The following PPP2R2C variants were observed in gnomAD, a reference collection of about 807,000 sequenced individuals.
The protein encoded by PPP2R2C is protein phosphatase 2 regulatory subunit Bgamma.
Under a neutral mutation model 45.3 loss-of-function variants are expected in PPP2R2C, and 10 were observed. The ratio of observed to expected loss-of-function variants is 0.22; its 90% CI spans 0.14 to 0.37. The LOEUF (loss-of-function observed/expected upper bound fraction) is 0.37. PPP2R2C is among the 10% of genes least tolerant of loss of function. The pLI is 1.00. For missense variants in PPP2R2C, 308 were observed against 619.7 expected (o/e 0.50, Z 5.34); for synonymous variants, 257 against 245.4 (o/e 1.05, Z -0.44).
At chr4:6,423,977 C>T (rs34213120) in intron 1 of PPP2R2C, among the ~76,000 whole-genome samples, 2,347 of 152,334 alleles carry the variant, frequency 0.015, 32 homozygotes, top group Middle Eastern at 0.037. Flanking sequence ...ATTCACTGCC[C>T]ACCTGGCTGT....
At chr4:6,351,018 T>C (rs1234153862) in intron 5 of PPP2R2C, 3 of 985,202 alleles carry the variant, frequency 3.0e-6, no homozygotes, top group East Asian at 2.3e-4. Flanking sequence ...TCAAAGTATG[T>C]AGGAGGCCAG....
chr4:6,405,646 G>A (rs1011283713), intron 1 of PPP2R2C, among the ~76,000 whole-genome samples: 1 of 152,182 alleles, frequency 6.6e-6, no homozygotes, highest in Non-Finnish European at 1.5e-5. Flanking sequence ...GGGAGGGGCT[G>A]GGCCTGCTCC....
intron 1 of PPP2R2C, among the ~76,000 whole-genome samples, chr4:6,408,934 T>C (rs368101346): frequency 6.6e-6 from 1 of 151,842 alleles, no homozygotes; most frequent in African/African-American, 2.4e-5. Flanking sequence ...AAAATACTTG[T>C]TGATTTTTTT....
intron 2 of PPP2R2C, among the ~76,000 whole-genome samples, chr4:6,517,152 T>G (rs2108810547): frequency 6.6e-6 from 1 of 152,224 alleles, no homozygotes. Flanking sequence ...GCCCACCAGA[T>G]TGCTCGCCTG....
At chr4:6,377,460 A>C (rs6823629) in intron 3 of PPP2R2C, among the ~76,000 whole-genome samples, 142,383 of 152,140 alleles carry the variant, frequency 0.94, 66,752 homozygotes, top group East Asian at 1. Context: ...GTTCGAGATC[A>C]ACCTGGCCAA....
Position 6,345,219 on chromosome 4 carries a change from A to G in PPP2R2C, c.790+2627T>C, listed in dbSNP as rs1387481074. Among the ~76,000 whole-genome samples the G allele has an allele frequency of 6.6e-6, 1 of 152,166 alleles. No homozygotes were observed. Among genetic ancestry groups the G allele is most frequent in the East Asian group, 1.9e-4 (1 of 5,192 alleles). On this transcript the variant is annotated intron_variant, in intron 6 of 8. Transcript: ENST00000382599. This position sits in a 1 kb window ranked among gnomAD's most constrained non-coding sequence, Gnocchi z 5.3. The stretch of plus-strand genomic sequence containing the variant: ...GCAGGAAGAACCCCCTCTCTTCCCC[A>G]ATATTCTCCCATTCCATTCGGACCC...
chr4:6,546,760 G>T (rs749005646), intron 1 of PPP2R2C, among the ~76,000 whole-genome samples: 6 of 152,248 alleles, frequency 3.9e-5, no homozygotes, highest in Admixed American at 2.0e-4. Context: ...TCCACCCGCT[G>T]TCAGAATTTC....
At chr4:6,477,990 A>C (rs1306438704) in intron 2 of PPP2R2C, among the ~76,000 whole-genome samples, 1 of 151,992 alleles carries the variant, frequency 6.6e-6, no homozygotes, top group Non-Finnish European at 1.5e-5. Flanking sequence ...CCAGGCTCCC[A>C]GCTCCATATG....
intron 1 of PPP2R2C, chr4:6,384,359 A>G: frequency 1.0e-6 from 1 of 985,494 alleles, no homozygotes; most frequent in Non-Finnish European, 1.2e-6. Context: ...GCAGTGGGGA[A>G]AAAAGCTGGA....
At chr4:6,522,346 G>A (rs1421534595) in intron 2 of PPP2R2C, among the ~76,000 whole-genome samples, 2 of 152,244 alleles carry the variant, frequency 1.3e-5, no homozygotes, top group Non-Finnish European at 2.9e-5. Flanking sequence ...GCACTCCCGG[G>A]CATTACCAAT....
intron 1 of PPP2R2C, among the ~76,000 whole-genome samples, chr4:6,422,717 G>A (rs1719058460): frequency 6.6e-6 from 1 of 151,996 alleles, no homozygotes; most frequent in Non-Finnish European, 1.5e-5. Flanking sequence ...ATTGGATCAG[G>A]GCCCACCTTA....
At chr4:6,414,119 TGTG>T (rs1718399694) in intron 1 of PPP2R2C, 1 of 1,106,034 alleles carries the variant, frequency 9.0e-7, no homozygotes, top group Admixed American at 3.2e-5. Flanking sequence ...TGTGTGTGTG[TGTG>T]TACAGGTAAA....
intron 1 of PPP2R2C, among the ~76,000 whole-genome samples, chr4:6,402,683 T>G (rs761571732): frequency 4.7e-4 from 72 of 152,152 alleles, no homozygotes; most frequent in Non-Finnish European, 9.3e-4. Context: ...TGGCCAGGGC[T>G]GCGATGGAGG....
At chr4:6,373,738 G>A (rs1250487645) in intron 4 of PPP2R2C, among the ~76,000 whole-genome samples, 1 of 152,216 alleles carries the variant, frequency 6.6e-6, no homozygotes, top group Non-Finnish European at 1.5e-5. Context: ...AGCTCCTTTG[G>A]AGCAGAGGCA....
intron 1 of PPP2R2C, among the ~76,000 whole-genome samples, chr4:6,408,720 G>A (rs996323263): frequency 6.6e-6 from 1 of 152,070 alleles, no homozygotes; most frequent in Non-Finnish European, 1.5e-5. Context: ...CTGAGCACTT[G>A]GGCCACAGGT....
intron 2 of PPP2R2C, among the ~76,000 whole-genome samples, chr4:6,510,704 ACGGTGTC>A (rs1723399612): frequency 6.6e-6 from 1 of 152,136 alleles, no homozygotes; most frequent in Non-Finnish European, 1.5e-5. Flanking sequence ...GAGGCCGGGC[ACGGTGTC>A]TCACGCCTGT....
chr4:6,421,170 C>A, intron 1 of PPP2R2C: 1 of 975,616 alleles, frequency 1.0e-6, no homozygotes, highest in Non-Finnish European at 1.2e-6. Flanking sequence ...CTGGTTAGCA[C>A]ATGACCAGTG....
chr4:6,516,147 A>G (rs1328882615), intron 2 of PPP2R2C, among the ~76,000 whole-genome samples: 2 of 152,222 alleles, frequency 1.3e-5, no homozygotes, highest in Admixed American at 6.5e-5. Flanking sequence ...GTGGTGGGTG[A>G]GGGGAGTGAT....
At chr4:6,414,114 GTGTGTGTGTA>G in intron 1 of PPP2R2C, 1 of 1,222,076 alleles carries the variant, frequency 8.2e-7, no homozygotes, top group Non-Finnish European at 1.1e-6. Context: ...GTGTGTGTGT[GTGTGTGTGTA>G]CAGGTAAATA....
Sources: gnomAD v4.1 joint callset for allele counts (sites outside exome capture counted in the v4.1 genomes callset) on GRCh38, gnomAD v4.1.1 for gene constraint, Gnocchi (gnomAD v3.1) non-coding constraint, MANE v1.5 for transcripts, NCBI Gene and HGNC (gene_info 2026-07-23, HGNC 2026-07-21) for gene names.